Variants in RASGRP4 observed in about 807,000 individuals in gnomAD.
RASGRP4 encodes RAS guanyl releasing protein 4.
Under a neutral mutation model 84.4 loss-of-function variants are expected in RASGRP4, and 52 were observed. The observed-to-expected ratio is 0.62, with a 90% CI of 0.49 to 0.78. RASGRP4 has a LOEUF of 0.78. Among genes scored for constraint, RASGRP4 ranks in the 30% least tolerant of loss-of-function variants. The probability of loss-of-function intolerance (pLI) is 0.00; values close to 1 mark genes in which losing one functional copy is unlikely to be tolerated. For missense variants in RASGRP4, 760 were observed against 886.9 expected (o/e 0.86, Z 1.82); for synonymous variants, 356 against 359.1 (o/e 0.99, Z 0.10).
rs1600542399 is a variant in RASGRP4, at chr19:38,410,953, G to T, written c.1898C>A (p.Thr633Asn). Residue 633 changes from threonine (T) to asparagine (N), a missense_variant, in exon 16 of 17, where the codon ACT becomes AAT. Physicochemically the swap from Thr to Asn is moderately conservative, Grantham distance 65 (BLOSUM62 0). Transcript: ENST00000615439. ...HSYTLSLEPE[T>N]GCQLRHAWTQ... The stretch of plus-strand genomic sequence containing the variant: ...CCAGGCATGGCGAAGCTGGCACCCA[G>T]TCTCAGGCTCCAGGGATAGCGTGTA... 6.2e-7 allele frequency: 1 copy of T among 1,603,844 alleles called. No individual in the cohort carries two copies. The highest frequency in any genetic ancestry group is 8.5e-7 in the Non-Finnish European group (1 of 1,175,324).
rs1201984619 is a variant in RASGRP4, at chr19:38,413,986, T to C, written c.1231-512A>G. On this transcript the variant is annotated intron_variant, in intron 9 of 16. Transcript: ENST00000615439. The surrounding 1 kb of genome is among the most constrained non-coding windows in gnomAD (Gnocchi z 4.7). Reference sequence around the variant, plus strand: ...CTCTGTCACCCAGGCTGGAGTGTAGTGGTACGATCTTGGCTCACTGCAACC... The same window carrying C: ...CTCTGTCACCCAGGCTGGAGTGTAGCGGTACGATCTTGGCTCACTGCAACC... Among the ~76,000 whole-genome samples the C allele has an allele frequency of 6.6e-6, 1 of 152,190 alleles. No individual in the cohort carries two copies. The highest frequency in any genetic ancestry group is 1.9e-4 in the East Asian group (1 of 5,202).
At chr19:38,416,426 G>A (rs1191223648) in intron 8 of RASGRP4, among the ~76,000 whole-genome samples, 1 of 134,964 alleles carries the variant, frequency 7.4e-6, no homozygotes, top group Admixed American at 8.4e-5. Flanking sequence ...TTGCACCACT[G>A]CACTCCAGCC....
Position 38,417,546 on chromosome 19 carries a change from G to A in RASGRP4, c.838-378C>T, listed in dbSNP as rs1971549648. ...GTCTGACTGCTCTGAGAGTCACACAGGTGCGGGGAGGCAAGAAGGTGCAGG... is the reference window on the plus strand; with the variant it reads ...GTCTGACTGCTCTGAGAGTCACACAAGTGCGGGGAGGCAAGAAGGTGCAGG... On this transcript the variant is annotated intron_variant, in intron 7 of 16. Coordinates refer to ENST00000615439, the MANE Select transcript of RASGRP4 (RefSeq NM_170604.3). The surrounding 1 kb of genome is among the most constrained non-coding windows in gnomAD (Gnocchi z 5.1). Among the ~76,000 whole-genome samples the A allele has an allele frequency of 6.6e-6, 1 of 152,150 alleles. No homozygotes were observed. Among genetic ancestry groups the A allele is most frequent in the Non-Finnish European group, 1.5e-5 (1 of 68,022 alleles).
At position 38,412,667 on chromosome 19, in the gene RASGRP4, C is replaced by T; in HGVS notation, c.1680+5G>A. The T allele has an allele frequency of 6.2e-7, 1 of 1,611,594 alleles. No homozygotes were observed. The highest frequency in any genetic ancestry group is 8.5e-7 in the Non-Finnish European group (1 of 1,178,782). On this transcript the variant is annotated splice_donor_5th_base_variant and intron_variant, in intron 13 of 16. Transcript: ENST00000615439. This position sits in a 1 kb window ranked among gnomAD's most constrained non-coding sequence, Gnocchi z 4.6. ...CTAAGGGTGGTGATGGGGTGGGGTGCTCACGAAGCCACTGCAGCTGTCGCA... is the reference window on the plus strand; with the variant it reads ...CTAAGGGTGGTGATGGGGTGGGGTGTTCACGAAGCCACTGCAGCTGTCGCA...
At position 38,417,300 on chromosome 19, in the gene RASGRP4, AGGCGGGTGTGTGC is replaced by A; in HGVS notation, c.838-145_838-133del. 1 of 664,790 alleles carries A rather than the reference AGGCGGGTGTGTGC, an allele frequency of 1.5e-6. No individual in the cohort carries two copies. The highest frequency in any genetic ancestry group is 2.7e-6 in the Non-Finnish European group (1 of 364,402). 41.2% of individuals were successfully genotyped at this position (664,790 alleles called of 1,614,324 possible). A position where few individuals can be genotyped will look rare whatever the true frequency, so the allele number is the denominator to read the frequency against. On this transcript the variant is annotated intron_variant, in intron 7 of 16. Transcript: ENST00000615439. The surrounding 1 kb of genome is among the most constrained non-coding windows in gnomAD (Gnocchi z 5.1). ...ATGTGGGGATCAGACAGGTGAGAGA[AGGCGGGTGTGTGC>A]GGCAAGAGTGGGACATGCCATGTGT... is the stretch of plus-strand genomic sequence containing the variant.
chr19:38,415,021 C>T lies in RASGRP4; in HGVS notation c.1057G>A (p.Val353Met), dbSNP rs777522736. ...AGGGACACCAGGTCCTTGAGGTGCA[C>T]GCCCAGTACAGGCAGCCGGAAACCC... The part of the protein sequence containing the change: ...CAGFRLPVLG[V>M]HLKDLVSLHE... Residue 353 changes from valine to methionine, a missense_variant, in exon 9 of 17, where the codon GTG becomes ATG. Physicochemically the swap from Val to Met is conservative, Grantham distance 21 (BLOSUM62 1). Coordinates refer to ENST00000615439, the MANE Select transcript of RASGRP4 (RefSeq NM_170604.3). 10 of 1,611,340 alleles carry T rather than the reference C, an allele frequency of 6.2e-6. No homozygotes were observed. The highest frequency in any genetic ancestry group is 3.4e-5 in the Admixed American group (2 of 59,532).
In RASGRP4 at chr19:38,409,187, C is replaced by T. The variant is rs138806414; in HGVS notation, c.*853G>A. 1.1e-3 allele frequency: 277 copies of T among 255,240 alleles called. 2 individuals carry two copies. In the East Asian group the frequency reaches 0.016, roughly 15 times the overall value. The allele number at this position is 255,240 out of a possible 1,614,324, so 15.8% of individuals were successfully genotyped here. On this transcript the variant is annotated 3_prime_UTR_variant, in exon 17 of 17. Transcript: ENST00000615439. ...TGGGACTGAATGGGCCCCTGCTGCT[C>T]GACCCTCAAAGTTCTTTGCCCTATA...
chr19:38,411,567 G>T, intron 13 of RASGRP4, 186 bp from the exon 14 acceptor site: 1 of 625,040 alleles, frequency 1.6e-6, no homozygotes, highest in Non-Finnish European at 2.7e-6. Flanking sequence ...CCAGCACTTT[G>T]AGACGCCAAG....
At position 38,410,927 on chromosome 19, in the gene RASGRP4, T is replaced by C; in HGVS notation, c.1924A>G (p.Thr642Ala). ...GAAGGGTGTGGGGATTCAGTCTGGG[T>C]CCAGGCATGGCGAAGCTGGCACCCA... ...ETGCQLRHAW[T>A]QTESPHPSWE... Residue 642 changes from threonine to alanine, a missense_variant, in exon 16 of 17, where the codon ACC becomes GCC. Physicochemically the swap from Thr to Ala is moderately conservative, Grantham distance 58 (BLOSUM62 0). Transcript: ENST00000615439. 1 of 1,605,100 alleles carries C rather than the reference T, an allele frequency of 6.2e-7. No homozygotes were observed. Among genetic ancestry groups the C allele is most frequent in the Non-Finnish European group, 8.5e-7 (1 of 1,175,930 alleles).
rs764707256 is a variant in RASGRP4, at chr19:38,419,860, C to T, written c.663G>A (p.Thr221=). Residue 221 remains threonine, a splice_region_variant and synonymous_variant, in exon 6 of 17, where the codon ACG becomes ACA. Coordinates refer to ENST00000615439, the MANE Select transcript of RASGRP4 (RefSeq NM_170604.3). ...YLEFRSFQAI[T]PQDLRSYVLQ... ...GACGGGGATGGGAGGGGGTCCTCAC[C>T]GTGATAGCCTGGAAGGACCGGAACT... 5.0e-6 allele frequency: 8 copies of T among 1,589,954 alleles called. No homozygotes were observed. Among genetic ancestry groups the T allele is most frequent in the African/African-American group, 1.3e-5 (1 of 74,514 alleles).
At chr19:38,419,274 T>C (rs1236141698) in intron 6 of RASGRP4, among the ~76,000 whole-genome samples, 2 of 152,232 alleles carry the variant, frequency 1.3e-5, no homozygotes, top group African/African-American at 4.8e-5. Flanking sequence ...GACCAGGCAC[T>C]GTTCCTGCAA....
rs1444674138 is a variant in RASGRP4, at chr19:38,422,024, C to T, written c.153G>A (p.Leu51=). 1.9e-6 allele frequency: 3 copies of T among 1,613,364 alleles called. No homozygotes were observed. The highest frequency in any genetic ancestry group is 2.2e-5 in the East Asian group (1 of 44,888). ...KVMASMNLGL[L]SEGGCSEDEL... ...CATCTTCGCTGCAGCCGCCCTCACTCAGCAGGCCCAGGTTCATGGAAGCCA... is the reference window on the plus strand; with the variant it reads ...CATCTTCGCTGCAGCCGCCCTCACTTAGCAGGCCCAGGTTCATGGAAGCCA... Residue 51 remains leucine (L), a synonymous_variant, in exon 2 of 17, where the codon CTG becomes CTA. Coordinates refer to ENST00000615439, the MANE Select transcript of RASGRP4 (RefSeq NM_170604.3).
rs970717910 is a variant in RASGRP4 at position 38,418,199 on chromosome 19, G to A, written c.837+192C>T. Among the ~76,000 whole-genome samples, 1 of 151,770 alleles carries A rather than the reference G, an allele frequency of 6.6e-6. No individual in the cohort carries two copies. The highest frequency in any genetic ancestry group is 1.9e-4 in the East Asian group (1 of 5,134). On this transcript the variant is annotated intron_variant, in intron 7 of 16. Coordinates refer to ENST00000615439, the MANE Select transcript of RASGRP4 (RefSeq NM_170604.3). This position sits in a 1 kb window ranked among gnomAD's most constrained non-coding sequence, Gnocchi z 4.6. ...CAAGGGGTGGGGCCACGGTGGGTGC[G>A]ACGCGGTGACATCAAGGCCAAAGAA...
At chr19:38,415,145 T>C in intron 8 of RASGRP4, 22 bp from the exon 9 acceptor site, 1 of 1,568,632 alleles carries the variant, frequency 6.4e-7, no homozygotes, top group Admixed American at 1.8e-5. Flanking sequence ...GGACATGGGA[T>C]TGGGGCGTTA....
At position 38,409,969 on chromosome 19, in the gene RASGRP4, C is replaced by CCAGACCT. The variant is rs1971152910; in HGVS notation, c.*70_*71insAGGTCTG. ...TGGAGGCCTACCTCTGGGAGCCCTGCCAGAGTCTGACGGCAGGACTCAGGA... is the reference window on the plus strand; with the variant it reads ...TGGAGGCCTACCTCTGGGAGCCCTGCCAGACCTCAGAGTCTGACGGCAGGACTCAGGA... On this transcript the variant is annotated 3_prime_UTR_variant, in exon 17 of 17. Coordinates refer to ENST00000615439, the MANE Select transcript of RASGRP4 (RefSeq NM_170604.3). 1.6e-5 allele frequency: 21 copies of CCAGACCT among 1,315,200 alleles called. No homozygotes were observed. The highest frequency in any genetic ancestry group is 2.2e-5 in the Non-Finnish European group (21 of 942,784). 81.5% of individuals were successfully genotyped at this position (1,315,200 alleles called of 1,614,324 possible). A position where few individuals can be genotyped will look rare whatever the true frequency, so the allele number is the denominator to read the frequency against.
Position 38,413,477 on chromosome 19 carries a change from G to A in RASGRP4, c.1231-3C>T. 1 of 1,589,644 alleles carries A rather than the reference G, an allele frequency of 6.3e-7. No homozygotes were observed. Among genetic ancestry groups the A allele is most frequent in the Non-Finnish European group, 8.6e-7 (1 of 1,167,814 alleles). On this transcript the variant is annotated splice_polypyrimidine_tract_variant and splice_region_variant and intron_variant, in intron 9 of 16. Transcript: ENST00000615439. This position sits in a 1 kb window ranked among gnomAD's most constrained non-coding sequence, Gnocchi z 4.7. Reference sequence around the variant, plus strand: ...GTGTAGAAGAGGTCCAGGGAGAGCTGGAGCAGACAGGGGTGTTACGGATCC... The same window carrying A: ...GTGTAGAAGAGGTCCAGGGAGAGCTAGAGCAGACAGGGGTGTTACGGATCC...
chr19:38,422,206 C>A, intron 1 of RASGRP4, 53 bp from the exon 2 acceptor site: 1 of 1,504,818 alleles, frequency 6.6e-7, no homozygotes, highest in East Asian at 2.3e-5. Context: ...CGGACAGACC[C>A]TAGAATTCCT....
In RASGRP4 at chr19:38,419,848, G is replaced by C; in HGVS notation, c.663+12C>G. 6.3e-7 allele frequency: 1 copy of C among 1,578,686 alleles called. No individual in the cohort carries two copies. The highest frequency in any genetic ancestry group is 8.6e-7 in the Non-Finnish European group (1 of 1,161,410). The stretch of plus-strand genomic sequence containing the variant: ...TCCCCTGCTTGGGACGGGGATGGGA[G>C]GGGGTCCTCACCGTGATAGCCTGGA... On this transcript the variant is annotated intron_variant, in intron 6 of 16. Coordinates refer to ENST00000615439, the MANE Select transcript of RASGRP4 (RefSeq NM_170604.3).
At chr19:38,420,532 C>T (rs751529551) in intron 4 of RASGRP4, among the ~76,000 whole-genome samples, 18 of 149,160 alleles carry the variant, frequency 1.2e-4, no homozygotes, top group African/African-American at 1.7e-4. Context: ...GATCGTGGAG[C>T]GTCCTAGGAA....
Sources: allele counts gnomAD v4.1 joint callset (sites outside exome capture counted in the v4.1 genomes callset), GRCh38; gene constraint gnomAD v4.1.1; non-coding constraint Gnocchi (gnomAD v3.1); transcripts MANE v1.5; gene names NCBI Gene and HGNC (gene_info 2026-07-23, HGNC 2026-07-21).